Variants in FOXN3 observed in about 807,000 individuals in gnomAD.
FOXN3 encodes forkhead box N3.
FOXN3 carries 7 observed loss-of-function variants against 38.4 expected under a neutral mutation model. The observed-to-expected ratio is 0.18, with a 90% confidence interval of 0.10 to 0.34. The LOEUF is 0.34. FOXN3 is among the 10% of genes least tolerant of loss of function. The pLI is 1.00. For synonymous variants in FOXN3, 230 were observed against 242.2 expected (o/e 0.95, Z 0.47); for missense variants, 456 against 613.4 (o/e 0.74, Z 2.71).
At chr14:89,215,463 AC>A (rs1482048567) in intron 4 of FOXN3, among the ~76,000 whole-genome samples, 1 of 152,068 alleles carries the variant, frequency 6.6e-6, no homozygotes, top group African/African-American at 2.4e-5. Context: ...AATAATTTTC[AC>A]ATCATTATAT....
At chr14:89,542,103 G>A (rs1015208153) in intron 1 of FOXN3, among the ~76,000 whole-genome samples, 3 of 152,164 alleles carry the variant, frequency 2.0e-5, no homozygotes, top group East Asian at 1.9e-4. Context: ...GATAGAGTAC[G>A]ATGTTCCTGA....
intron 3 of FOXN3, among the ~76,000 whole-genome samples, chr14:89,296,775 A>G (rs148458760): frequency 0.011 from 1,724 of 152,324 alleles, 25 homozygotes; most frequent in African/African-American, 0.039. Flanking sequence ...AGCTGGGATT[A>G]CAGGTGCCTG....
chr14:89,482,887 GC>G (rs1378369612), intron 1 of FOXN3, among the ~76,000 whole-genome samples: 1 of 142,412 alleles, frequency 7.0e-6, no homozygotes, highest in Non-Finnish European at 1.5e-5. Flanking sequence ...TCTAGCTGGG[GC>G]AACAGAGCAA....
intron 1 of FOXN3, among the ~76,000 whole-genome samples, chr14:89,501,800 A>G (rs1243233404): frequency 6.6e-6 from 1 of 152,086 alleles, no homozygotes; most frequent in African/African-American, 2.4e-5. Flanking sequence ...GTGAGCCCAG[A>G]TCTCACCATT....
Position 89,548,127 on chromosome 14 carries a change from T to A in FOXN3, c.-15+70901A>T, listed in dbSNP as rs956689164. On this transcript the variant is annotated intron_variant, in intron 1 of 6. Coordinates refer to the FOXN3 transcript ENST00000345097. This position sits in a 1 kb window ranked among gnomAD's most constrained non-coding sequence, Gnocchi z 4.8. ...CTTGAGTTGAAATAAAAAATATCTA[T>A]GTGTTTTTAAACACAGCTTTGGGAC... 6.6e-6 allele frequency among the ~76,000 whole-genome samples: 1 copy of A among 152,202 alleles called. No individual in the cohort carries two copies.
At chr14:89,472,738 A>T (rs1893130805) in intron 1 of FOXN3, among the ~76,000 whole-genome samples, 1 of 151,724 alleles carries the variant, frequency 6.6e-6, no homozygotes, top group Admixed American at 6.6e-5. Flanking sequence ...AAAAAAAAAA[A>T]AAAGATAGAT....
rs1887155578 is a variant in FOXN3, at chr14:89,163,323, A to T, written c.852-354T>A. Among the ~76,000 whole-genome samples the T allele has an allele frequency of 2.0e-5, 3 of 152,214 alleles. No individual in the cohort carries two copies. In the South Asian group the frequency reaches 6.2e-4, roughly 31 times the overall value. ...GTTCGTGTCCCCGCCAACACCACAGAGTCAGACACCGCCAGACGATGTTGG... is the reference window on the plus strand; with the variant it reads ...GTTCGTGTCCCCGCCAACACCACAGTGTCAGACACCGCCAGACGATGTTGG... On this transcript the variant is annotated intron_variant, in intron 5 of 5. Transcript: ENST00000557258. This position sits in a 1 kb window ranked among gnomAD's most constrained non-coding sequence, Gnocchi z 4.3.
At chr14:89,229,417 G>A (rs1884738020) in intron 4 of FOXN3, among the ~76,000 whole-genome samples, 1 of 152,160 alleles carries the variant, frequency 6.6e-6, no homozygotes, top group Non-Finnish European at 1.5e-5. Flanking sequence ...GCTCAGCAGC[G>A]AGAACACTCT....
chr14:89,242,244 C>T lies in FOXN3; in HGVS notation c.745+38706G>A, dbSNP rs150749637. Among the ~76,000 whole-genome samples, 1,030 of 152,210 alleles carry T rather than the reference C, an allele frequency of 6.8e-3. 28 individuals carry two copies. Among genetic ancestry groups the T allele is most frequent in the Admixed American group, 0.061 (931 of 15,284 alleles). On this transcript the variant is annotated intron_variant, in intron 4 of 5. Coordinates refer to ENST00000557258, the MANE Select transcript of FOXN3 (RefSeq NM_005197.4). ...AGGTTCCAGTCTTGATGACCGCCAG[C>T]TATTATACATGCTTGGCCTTGGGGT...
At chr14:89,362,954 A>AC (rs1199460509) in intron 2 of FOXN3, among the ~76,000 whole-genome samples, 1 of 152,104 alleles carries the variant, frequency 6.6e-6, no homozygotes, top group East Asian at 1.9e-4. Context: ...ACAGCACAGG[A>AC]GTTGGGCAGG....
chr14:89,209,824 A>G (rs546863430), intron 4 of FOXN3, among the ~76,000 whole-genome samples: 96 of 152,356 alleles, frequency 6.3e-4, no homozygotes, highest in African/African-American at 2.3e-3. Context: ...CAACAACGGT[A>G]TTTAATTGGG....
intron 1 of FOXN3, among the ~76,000 whole-genome samples, chr14:89,522,170 C>T (rs1279743823): frequency 6.6e-6 from 1 of 151,074 alleles, no homozygotes; most frequent in Non-Finnish European, 1.5e-5. Flanking sequence ...AAGAAAAAAA[C>T]TGTCAAATAA....
At chr14:89,553,833 T>C (rs1170070315) in intron 1 of FOXN3, among the ~76,000 whole-genome samples, 1 of 152,144 alleles carries the variant, frequency 6.6e-6, no homozygotes, top group Non-Finnish European at 1.5e-5. Flanking sequence ...AAAATCACTT[T>C]TTGCAGTTGT....
At chr14:89,350,056 A>T (rs982909807) in intron 3 of FOXN3, among the ~76,000 whole-genome samples, 1 of 152,204 alleles carries the variant, frequency 6.6e-6, no homozygotes, top group Non-Finnish European at 1.5e-5. Flanking sequence ...ACTTTTTAAA[A>T]AAGTGACAGG....
chr14:89,340,584 G>A (rs74377375), intron 3 of FOXN3, among the ~76,000 whole-genome samples: 2,507 of 152,264 alleles, frequency 0.016, 62 homozygotes, highest in African/African-American at 0.057. Context: ...TTATGAATGT[G>A]ATCAGAGACT....
intron 4 of FOXN3, among the ~76,000 whole-genome samples, chr14:89,204,721 G>A (rs559400920): frequency 6.6e-6 from 1 of 152,118 alleles, no homozygotes; most frequent in Non-Finnish European, 1.5e-5. Flanking sequence ...AGAAGGCTAT[G>A]ATAATATAAC....
At chr14:89,291,645 G>A (rs985262496) in intron 3 of FOXN3, 5 of 471,558 alleles carry the variant, frequency 1.1e-5, no homozygotes, top group East Asian at 5.5e-5. Context: ...ATCTGTGGCC[G>A]GCCACTCATG....
At chr14:89,250,736 T>G (rs1596131503) in intron 4 of FOXN3, among the ~76,000 whole-genome samples, 1 of 152,234 alleles carries the variant, frequency 6.6e-6, no homozygotes, top group African/African-American at 2.4e-5. Context: ...ATAATTCCCA[T>G]GCGTTATGGG....
rs576089553 is a variant in FOXN3, at chr14:89,455,115, G to A, written c.-14-42625C>T. 5.3e-5 allele frequency among the ~76,000 whole-genome samples: 8 copies of A among 152,158 alleles called. No individual in the cohort carries two copies. In the South Asian group the frequency reaches 1.4e-3, roughly 28 times the overall value. On this transcript the variant is annotated intron_variant, in intron 1 of 6. Coordinates refer to the FOXN3 transcript ENST00000345097. The stretch of plus-strand genomic sequence containing the variant: ...GTTCGCTCGGGCAGGCTTTCTTCCC[G>A]CATTCCAGTTTCCTCATCAGTGAGA...
Sources: allele counts gnomAD v4.1 joint callset (sites outside exome capture counted in the v4.1 genomes callset), GRCh38; gene constraint gnomAD v4.1.1; non-coding constraint Gnocchi (gnomAD v3.1); transcripts MANE v1.5; gene names NCBI Gene and HGNC (gene_info 2026-07-23, HGNC 2026-07-21).